The following FILIP1L variants were observed in gnomAD, a reference collection of about 807,000 sequenced individuals.
FILIP1L encodes the protein filamin A interacting protein 1 like.
FILIP1L carries 55 observed loss-of-function variants against 96.6 expected under a neutral mutation model. That is an observed-to-expected ratio of 0.57 (90% confidence interval 0.46 to 0.71). FILIP1L has a LOEUF of 0.71. Ranked by LOEUF, FILIP1L falls within the 30% of genes least tolerant of loss-of-function variation. The pLI is 0.00. For missense variants in FILIP1L, 1,304 were observed against 1,321.2 expected (o/e 0.99, Z 0.20); for synonymous variants, 467 against 473.9 (o/e 0.99, Z 0.19).
intron 4 of FILIP1L, among the ~76,000 whole-genome samples, chr3:99,867,580 A>G (rs1381090557): frequency 6.6e-6 from 1 of 152,174 alleles, no homozygotes; most frequent in Non-Finnish European, 1.5e-5. Context: ...CTAGTGACTT[A>G]ACTATCTGAC....
At chr3:100,012,376 T>TA (rs1710182909) in intron 1 of FILIP1L, among the ~76,000 whole-genome samples, 1 of 152,114 alleles carries the variant, frequency 6.6e-6, no homozygotes, top group African/African-American at 2.4e-5. Flanking sequence ...ATCATATCAT[T>TA]AAAAGCCCAA....
rs2107521688 is a variant in FILIP1L at position 99,848,518 on chromosome 3, C to T, written c.3158G>A (p.Ser1053Asn). ...TTTATTATCCTCAGTAGTTATCACA[C>T]TTGAGCTATTGCTGTTTGAACGCTG... The part of the protein sequence containing the change: ...QFQRSNSNSS[S>N]VITTEDNKIH... The change falls in exon 5 of 6, where the codon AGT becomes AAT. Residue 1053 changes from serine (S) to asparagine (N), a missense_variant. Coordinates refer to ENST00000477258, the MANE Select transcript of FILIP1L (RefSeq NM_001387850.1). 1 of 1,614,192 alleles carries T rather than the reference C, an allele frequency of 6.2e-7. No homozygotes were observed. Among genetic ancestry groups the T allele is most frequent in the East Asian group, 2.2e-5 (1 of 44,886 alleles).
chr3:100,042,022 A>G (rs1223313230), intron 1 of FILIP1L, among the ~76,000 whole-genome samples: 2 of 152,158 alleles, frequency 1.3e-5, no homozygotes, highest in African/African-American at 4.8e-5. Context: ...TATTTCATAT[A>G]TGCCCCCTTC....
Position 99,972,109 on chromosome 3 carries a change from G to A in FILIP1L, c.-10-41079C>T, listed in dbSNP as rs115064012. On this transcript the variant is annotated intron_variant, in intron 1 of 5. Transcript: ENST00000477258. Reference sequence around the variant, plus strand: ...AGGAACCTGGTTCTGACAGATATAAGGTAGTGATATTGCAGACATATAAAA... The same window carrying A: ...AGGAACCTGGTTCTGACAGATATAAAGTAGTGATATTGCAGACATATAAAA... Among the ~76,000 whole-genome samples the A allele has an allele frequency of 9.7e-3, 1,472 of 152,306 alleles. 26 individuals are homozygous for A. Among genetic ancestry groups the A allele is most frequent in the African/African-American group, 0.034 (1,416 of 41,568 alleles).
chr3:99,971,595 G>A (rs73859911), intron 1 of FILIP1L, among the ~76,000 whole-genome samples: 14,922 of 152,130 alleles, frequency 0.098, 888 homozygotes, highest in African/African-American at 0.16. Flanking sequence ...ATCAGCTTTT[G>A]TCTTGTAGCC....
At chr3:100,051,531 G>A (rs951226830) in intron 1 of FILIP1L, among the ~76,000 whole-genome samples, 1 of 100,826 alleles carries the variant, frequency 9.9e-6, no homozygotes, top group Non-Finnish European at 1.8e-5. Context: ...AACAGGCCCC[G>A]GTGTGTGATG....
In FILIP1L at chr3:99,938,089, G is replaced by A. The variant is rs919247505; in HGVS notation, c.-10-7059C>T. The stretch of plus-strand genomic sequence containing the variant: ...TGTGTGTGTGTGCGCGCGCGCGCGC[G>A]CGTGCATGCACACTCGTGCTGGGTG... On this transcript the variant is annotated intron_variant, in intron 1 of 5. Coordinates refer to ENST00000477258, the MANE Select transcript of FILIP1L (RefSeq NM_001387850.1). Among the ~76,000 whole-genome samples, 18 of 152,122 alleles carry A rather than the reference G, an allele frequency of 1.2e-4. No individual in the cohort carries two copies. In the South Asian group the frequency reaches 1.2e-3, roughly 11 times the overall value.
intron 1 of FILIP1L, among the ~76,000 whole-genome samples, chr3:100,080,577 C>T (rs1343539421): frequency 2.0e-5 from 3 of 152,168 alleles, no homozygotes; most frequent in Non-Finnish European, 2.9e-5. Context: ...AGATTTTCTC[C>T]TGCCAGTCTC....
In FILIP1L at chr3:100,078,474, T is replaced by C. The variant is rs573685743; in HGVS notation, c.-11+35579A>G. On this transcript the variant is annotated intron_variant, in intron 1 of 5. Transcript: ENST00000477258. ...ATGTAGTCGTTTAAAACAGCAATAATTTATTTTTTATTGACTAGGTCAAGG... is the reference window on the plus strand; with the variant it reads ...ATGTAGTCGTTTAAAACAGCAATAACTTATTTTTTATTGACTAGGTCAAGG... 6.6e-5 allele frequency among the ~76,000 whole-genome samples: 10 copies of C among 152,334 alleles called. No individual in the cohort carries two copies. In the South Asian group the frequency reaches 2.1e-3, roughly 32 times the overall value.
chr3:100,107,315 T>G (rs1469286926), intron 1 of FILIP1L, among the ~76,000 whole-genome samples: 1 of 152,156 alleles, frequency 6.6e-6, no homozygotes, highest in Non-Finnish European at 1.5e-5. Flanking sequence ...TATGATGCCA[T>G]CTGGGAAAAT....
At chr3:99,939,740 T>G (rs1707799104) in intron 1 of FILIP1L, among the ~76,000 whole-genome samples, 1 of 152,194 alleles carries the variant, frequency 6.6e-6, no homozygotes, top group Non-Finnish European at 1.5e-5. Flanking sequence ...TAATGATACC[T>G]TTCACATGCA....
intron 1 of FILIP1L, among the ~76,000 whole-genome samples, chr3:99,943,610 A>G (rs1348920238): frequency 6.6e-6 from 1 of 152,146 alleles, no homozygotes. Flanking sequence ...AGGCTGAGGC[A>G]GGAGAATCGC....
At chr3:100,028,035 T>G (rs1366159003) in intron 1 of FILIP1L, among the ~76,000 whole-genome samples, 2 of 152,206 alleles carry the variant, frequency 1.3e-5, no homozygotes, top group Non-Finnish European at 2.9e-5. Context: ...TGGATTTATA[T>G]TGATTAAATT....
At chr3:99,900,164 A>G (rs1245708897) in intron 4 of FILIP1L, among the ~76,000 whole-genome samples, 1 of 152,172 alleles carries the variant, frequency 6.6e-6, no homozygotes, top group East Asian at 1.9e-4. Flanking sequence ...AAAATATTAT[A>G]TATAATGGTG....
chr3:99,927,722 A>AT (rs62789761), intron 3 of FILIP1L, among the ~76,000 whole-genome samples: 11,922 of 151,822 alleles, frequency 0.079, 547 homozygotes, highest in Admixed American at 0.11. Flanking sequence ...TAGGCTATTA[A>AT]TTTTTTTTTA....
intron 1 of FILIP1L, among the ~76,000 whole-genome samples, chr3:100,051,885 TTA>T (rs969224154): frequency 1.3e-4 from 19 of 148,544 alleles, no homozygotes; most frequent in South Asian, 8.3e-4. Flanking sequence ...GTAATATATT[TTA>T]TATGTCATAT....
intron 1 of FILIP1L, among the ~76,000 whole-genome samples, chr3:100,050,701 T>C (rs1452056306): frequency 6.6e-6 from 1 of 152,172 alleles, no homozygotes; most frequent in Admixed American, 6.5e-5. Context: ...TGGCTAATTT[T>C]GTATTTTTAG....
intron 1 of FILIP1L, among the ~76,000 whole-genome samples, chr3:100,087,638 G>C (rs1474052073): frequency 6.6e-6 from 1 of 151,782 alleles, no homozygotes; most frequent in Non-Finnish European, 1.5e-5. Context: ...TTCTTTTTCA[G>C]ATATATAACT....
rs369633601 is a variant in FILIP1L at position 99,954,884 on chromosome 3, G to T, written c.-10-23854C>A. Among the ~76,000 whole-genome samples, 73 of 152,152 alleles carry T rather than the reference G, an allele frequency of 4.8e-4. No individual in the cohort carries two copies. The South Asian group carries it at 8.5e-3, about 18-fold the overall frequency. On this transcript the variant is annotated intron_variant, in intron 1 of 5. Coordinates refer to ENST00000477258, the MANE Select transcript of FILIP1L (RefSeq NM_001387850.1). ...GTTAGGATTATTGTTAGGGTAAAAT[G>T]AAATAATTGAAGTGCTAAGCACCAC...
Sources: gnomAD v4.1 joint callset for allele counts (sites outside exome capture counted in the v4.1 genomes callset) on GRCh38, gnomAD v4.1.1 for gene constraint, MANE v1.5 for transcripts, NCBI Gene and HGNC (gene_info 2026-07-23, HGNC 2026-07-21) for gene names.